KCNG3: variants seen among roughly 807,000 people sequenced by gnomAD.
The protein encoded by KCNG3 is voltage-gated potassium channel regulatory subunit KCNG3.
KCNG3 carries 15 observed loss-of-function variants against 29.0 expected under a neutral mutation model. The ratio of observed to expected loss-of-function variants is 0.52; its 90% CI spans 0.35 to 0.80. KCNG3 has a LOEUF of 0.80. Ranked by LOEUF, KCNG3 falls within the 30% of genes least tolerant of loss-of-function variation. KCNG3 has a pLI of 0.01. For synonymous variants in KCNG3, 322 were observed against 248.9 expected, an observed-to-expected ratio of 1.29 and a Z score of -2.76; for missense variants, 512 against 605.7, an observed-to-expected ratio of 0.85 and a Z score of 1.62.
At chr2:42,457,469 G>A (rs530261892) in intron 1 of KCNG3, among the ~76,000 whole-genome samples, 1 of 151,694 alleles carries the variant, frequency 6.6e-6, no homozygotes. Flanking sequence ...CACTCCAGCT[G>A]GGCGACAGAG....
At chr2:42,422,136 A>T in the KCNG3 span, among the ~76,000 whole-genome samples, 5 of 152,174 alleles carry the variant, frequency 3.3e-5, no homozygotes, top group African/African-American at 1.2e-4. Context: ...AAACATTACC[A>T]ATTGCTACGG....
intron 1 of KCNG3, among the ~76,000 whole-genome samples, chr2:42,471,160 G>A (rs1390284205): frequency 1.4e-5 from 2 of 145,154 alleles, no homozygotes. Context: ...AAAAAAGTGT[G>A]TGTGTGTGTG....
the KCNG3 span, among the ~76,000 whole-genome samples, chr2:42,392,891 T>C: frequency 2.0e-5 from 3 of 152,076 alleles, no homozygotes; most frequent in African/African-American, 7.2e-5. Context: ...TCAATTTCTA[T>C]GTGTATCAAA....
the KCNG3 span, among the ~76,000 whole-genome samples, chr2:42,392,435 G>A: frequency 1.3e-5 from 2 of 152,132 alleles, no homozygotes; most frequent in Non-Finnish European, 2.9e-5. Context: ...TCCCCCACCT[G>A]CTGATTCTCT....
the KCNG3 span, among the ~76,000 whole-genome samples, chr2:42,411,841 T>C: frequency 8.5e-5 from 13 of 152,342 alleles, no homozygotes; most frequent in Admixed American, 7.2e-4. Flanking sequence ...CTACCATCAA[T>C]TGGTACTTGA....
chr2:42,390,989 G>A, the KCNG3 span, among the ~76,000 whole-genome samples: 55 of 152,216 alleles, frequency 3.6e-4, no homozygotes, highest in Non-Finnish European at 2.5e-4. Flanking sequence ...CTCTCATTCC[G>A]GAGGAAAGTG....
At chr2:42,466,521 T>C (rs761375367) in intron 1 of KCNG3, among the ~76,000 whole-genome samples, 19 of 152,192 alleles carry the variant, frequency 1.2e-4, no homozygotes, top group Non-Finnish European at 2.8e-4. Flanking sequence ...CTAGGAGCAA[T>C]AGGCTATACT....
At chr2:42,438,285 C>T (rs1672410276), downstream of KCNG3, among the ~76,000 whole-genome samples, 1 of 152,182 alleles carries the variant, frequency 6.6e-6, no homozygotes, top group African/African-American at 2.4e-5. Context: ...ACACTACAAA[C>T]TGCCTCCACT....
rs1168712906 is a variant in KCNG3 at position 42,492,844 on chromosome 2, G to A, written c.658C>T (p.Pro220Ser). The change falls in exon 1 of 2, where the codon CCC (proline) becomes TCC (serine). Residue 220 changes from proline to serine, a missense_variant. Transcript: ENST00000306078. ...AGAAGCAGTGCGTCCTACCCGGAGG[G>A]CTCCCTCCCAGGGCCGGCGGAGTAC... The part of the protein sequence containing the change: ...SRYSAGPGRE[P>S]SGIIEAICIG... The A allele has an allele frequency of 5.3e-6, 8 of 1,497,228 alleles. No individual in the cohort carries two copies. Among genetic ancestry groups the A allele is most frequent in the East Asian group, 2.5e-5 (1 of 40,388 alleles). The allele number at this position is 1,497,228 out of a possible 1,614,324, so 92.7% of individuals were successfully genotyped here. A position where few individuals can be genotyped will look rare whatever the true frequency, so the allele number is the denominator to read the frequency against.
chr2:42,446,065 C>A (rs986026545), intron 1 of KCNG3, among the ~76,000 whole-genome samples: 2 of 152,040 alleles, frequency 1.3e-5, no homozygotes, highest in African/African-American at 4.8e-5. Flanking sequence ...ATCCTGGGAG[C>A]TCTAGGCCCC....
chr2:42,484,551 T>C (rs1673674359), intron 1 of KCNG3, among the ~76,000 whole-genome samples: 2 of 152,240 alleles, frequency 1.3e-5, no homozygotes, highest in African/African-American at 4.8e-5. Context: ...TGTGTTTGTG[T>C]GTGTGTGTAC....
intron 1 of KCNG3, among the ~76,000 whole-genome samples, chr2:42,478,974 T>G (rs1673510256): frequency 8.2e-6 from 1 of 122,218 alleles, no homozygotes; most frequent in African/African-American, 3.3e-5. Flanking sequence ...TTTTTTTTTT[T>G]GGATTTTGGA....
chr2:42,444,222 A>C lies in KCNG3; in HGVS notation c.1023T>G (p.Ser341=), dbSNP rs1488214518. 6.2e-7 allele frequency: 1 copy of C among 1,614,196 alleles called. No individual in the cohort carries two copies. Among genetic ancestry groups the C allele is most frequent in the East Asian group, 2.2e-5 (1 of 44,888 alleles). Reference sequence around the variant, plus strand: ...GGTCCAGCCCATGTTCAAGAAGCTGAGAAAGTGCACTAAAGATTGCCATGG... The same window carrying C: ...GGTCCAGCCCATGTTCAAGAAGCTGCGAAAGTGCACTAAAGATTGCCATGG... The part of the protein sequence containing the change: ...CVAMAIFSAL[S]QLLEHGLDLE... Residue 341 remains serine (S), a synonymous_variant, in exon 2 of 2, where the codon TCT becomes TCG. Transcript: ENST00000306078. The surrounding 1 kb of genome is among the most constrained non-coding windows in gnomAD (Gnocchi z 5.8).
chr2:42,456,171 T>C (rs1427798070), intron 1 of KCNG3, among the ~76,000 whole-genome samples: 2 of 152,144 alleles, frequency 1.3e-5, no homozygotes, highest in Non-Finnish European at 2.9e-5. Context: ...AAGCCATAAA[T>C]ATTGAATCAT....
chr2:42,487,862 T>C (rs946306163), intron 1 of KCNG3, among the ~76,000 whole-genome samples: 7 of 152,184 alleles, frequency 4.6e-5, no homozygotes, highest in Non-Finnish European at 7.3e-5. Flanking sequence ...CATAAATGTA[T>C]AGTGACTATG....
chr2:42,466,995 C>T lies in KCNG3; in HGVS notation c.666-22416G>A, dbSNP rs868778974. 9.9e-5 allele frequency among the ~76,000 whole-genome samples: 15 copies of T among 152,048 alleles called. No homozygotes were observed. In the Middle Eastern group the frequency reaches 0.017, roughly 174 times the overall value. On this transcript the variant is annotated intron_variant, in intron 1 of 1. Coordinates refer to ENST00000306078, the MANE Select transcript of KCNG3 (RefSeq NM_133329.6). ...CTCCAACTCTTGACCTCAGGTGATC[C>T]GCCCGCCTCGGCCTCCCAAAGTGCT...
intron 1 of KCNG3, among the ~76,000 whole-genome samples, chr2:42,474,904 C>G (rs1282505666): frequency 6.6e-6 from 1 of 152,152 alleles, no homozygotes; most frequent in South Asian, 2.1e-4. Context: ...CTGCCTTACT[C>G]CAGTGGCAGC....
the KCNG3 span, among the ~76,000 whole-genome samples, chr2:42,410,322 A>G: frequency 6.6e-6 from 1 of 152,214 alleles, no homozygotes; most frequent in Admixed American, 6.5e-5. Context: ...ATACATTATC[A>G]GAAGTGGTAC....
chr2:42,421,733 A>C, the KCNG3 span, among the ~76,000 whole-genome samples: 2 of 152,178 alleles, frequency 1.3e-5, no homozygotes, highest in Non-Finnish European at 2.9e-5. Context: ...TGGGGAAAAA[A>C]CCCAGAGAAA....
Sources: allele counts gnomAD v4.1 joint callset (sites outside exome capture counted in the v4.1 genomes callset), GRCh38; gene constraint gnomAD v4.1.1; non-coding constraint Gnocchi (gnomAD v3.1); transcripts MANE v1.5; gene names NCBI Gene and HGNC (gene_info 2026-07-23, HGNC 2026-07-21).